SNTA1: variants seen among roughly 807,000 people sequenced by gnomAD.
The protein encoded by SNTA1 is alpha-1-syntrophin.
In SNTA1, 31 loss-of-function variants were observed where a neutral mutation model predicts 47.1. That is an observed-to-expected ratio of 0.66 (90% CI 0.49 to 0.89). SNTA1 has a LOEUF of 0.89. SNTA1 is among the 40% of genes least tolerant of loss of function. The probability of loss-of-function intolerance (pLI) is 0.00; values close to 1 mark genes in which losing one functional copy is unlikely to be tolerated. For synonymous variants in SNTA1, 300 were observed against 313.6 expected, an observed-to-expected ratio of 0.96 and a Z score of 0.46; for missense variants, 575 against 693.0, an observed-to-expected ratio of 0.83 and a Z score of 1.91.
Position 33,412,325 on chromosome 20 carries a change from T to C in SNTA1, c.1011A>G (p.Pro337=), listed in dbSNP as rs758676160. ...LPETREALSR[P]ARTAPLIATR... is the part of the protein sequence containing the mutation. Reference sequence around the variant, plus strand: ...TGGCGATGAGTGGGGCAGTACGGGCTGGCCGGCTCAGGGCCTCGCGGGTCT... The same window carrying C: ...TGGCGATGAGTGGGGCAGTACGGGCCGGCCGGCTCAGGGCCTCGCGGGTCT... Residue 337 remains proline (P), a synonymous_variant, in exon 5 of 8, where the codon CCA becomes CCG. Transcript: ENST00000217381. The C allele has an allele frequency of 2.5e-6, 4 of 1,611,560 alleles. No homozygotes were observed. Among genetic ancestry groups the C allele is most frequent in the African/African-American group, 2.7e-5 (2 of 74,652 alleles).
chr20:33,412,352 G>T lies in SNTA1; in HGVS notation c.984C>A (p.Pro328=), dbSNP rs138863915. The T allele has an allele frequency of 3.7e-6, 6 of 1,611,632 alleles. No individual in the cohort carries two copies. Among genetic ancestry groups the T allele is most frequent in the Non-Finnish European group, 5.1e-6 (6 of 1,179,340 alleles). Residue 328 remains proline (P), a synonymous_variant, in exon 5 of 8, where the codon CCC becomes CCA. Coordinates refer to ENST00000217381, the MANE Select transcript of SNTA1 (RefSeq NM_003098.3). ...EKELLLYLSL[P]ETREALSRPA... is the part of the protein sequence containing the mutation. ...GCCGGCTCAGGGCCTCGCGGGTCTC[G>T]GGGAGAGACAAGTAGAGGAGCAGTT... is the stretch of plus-strand genomic sequence containing the variant.
Position 33,408,425 on chromosome 20 carries a change from G to C in SNTA1, c.*82C>G. On this transcript the variant is annotated 3_prime_UTR_variant, in exon 8 of 8. Transcript: ENST00000217381. ...CTCTCCTCTCCCTTCCCTCAGCCCA[G>C]GGGTGAGCAGGCAGTCGGTGGAGGC... 2 of 989,170 alleles carry C rather than the reference G, an allele frequency of 2.0e-6. No homozygotes were observed. Among genetic ancestry groups the C allele is most frequent in the Non-Finnish European group, 3.2e-6 (2 of 620,618 alleles). 61.3% of individuals were successfully genotyped at this position (989,170 alleles called of 1,614,324 possible).
chr20:33,435,507 C>T (rs1452594255), intron 2 of SNTA1, among the ~76,000 whole-genome samples: 5 of 152,052 alleles, frequency 3.3e-5, no homozygotes, highest in Non-Finnish European at 7.4e-5. Flanking sequence ...GGCAGAGAAT[C>T]GCTTGAACCT....
At chr20:33,428,342 G>A (rs546413098) in intron 2 of SNTA1, among the ~76,000 whole-genome samples, 17 of 152,118 alleles carry the variant, frequency 1.1e-4, no homozygotes, top group African/African-American at 3.9e-4. Flanking sequence ...CCAGGAGGTC[G>A]AGGCTGCAGT....
intron 5 of SNTA1, among the ~76,000 whole-genome samples, chr20:33,410,580 A>G (rs893569189): frequency 1.3e-5 from 2 of 152,108 alleles, no homozygotes; most frequent in Non-Finnish European, 2.9e-5. Flanking sequence ...GCACCTTTGC[A>G]TATGCTCTTC....
chr20:33,429,172 A>G (rs1043296726), intron 2 of SNTA1, among the ~76,000 whole-genome samples: 27 of 151,682 alleles, frequency 1.8e-4, no homozygotes, highest in African/African-American at 6.5e-4. Context: ...AACCCCACCT[A>G]TACTATATAC....
intron 2 of SNTA1, among the ~76,000 whole-genome samples, chr20:33,429,382 T>C (rs1990241184): frequency 7.8e-6 from 1 of 128,150 alleles, no homozygotes. Flanking sequence ...TCAGGCATAG[T>C]GGCTCATGCC....
Position 33,443,381 on chromosome 20 carries a change from C to A in SNTA1, c.240G>T (p.Ala80=), listed in dbSNP as rs765352601. The A allele has an allele frequency of 4.9e-6, 7 of 1,416,566 alleles. No individual in the cohort carries two copies. In the Admixed American group the frequency reaches 1.7e-4, roughly 35 times the overall value. 87.7% of individuals were successfully genotyped at this position (1,416,566 alleles called of 1,614,324 possible). ...TCACGCGGCGCCGCTGGAGCAGTAG[C>A]GCCTCTGGCAGCTGCGGGGGCCCGG... is the stretch of plus-strand genomic sequence containing the variant. ...PGAGPPQLPE[A]LLLQRRRVTV... is the part of the protein sequence containing the mutation. Residue 80 remains alanine, a synonymous_variant, in exon 1 of 8, where the codon GCG becomes GCT. Transcript: ENST00000217381.
intron 2 of SNTA1, among the ~76,000 whole-genome samples, chr20:33,419,783 T>G (rs1434451357): frequency 2.0e-5 from 3 of 152,020 alleles, no homozygotes; most frequent in Non-Finnish European, 4.4e-5. Context: ...TTTTTGCTTG[T>G]GATTGGTTTA....
At position 33,408,127 on chromosome 20, in the gene SNTA1, G is replaced by A; in HGVS notation, c.*380C>T. On this transcript the variant is annotated 3_prime_UTR_variant, in exon 8 of 8. Coordinates refer to ENST00000217381, the MANE Select transcript of SNTA1 (RefSeq NM_003098.3). ...TTGCTGCTGACCCCAGGGTACTCCAGCTTCAGATGGGACCTCTGGGGGTGG... is the reference window on the plus strand; with the variant it reads ...TTGCTGCTGACCCCAGGGTACTCCAACTTCAGATGGGACCTCTGGGGGTGG... 1 of 313,808 alleles carries A rather than the reference G, an allele frequency of 3.2e-6. No individual in the cohort carries two copies. Among genetic ancestry groups the A allele is most frequent in the South Asian group, 3.3e-5 (1 of 30,022 alleles). 19.4% of individuals were successfully genotyped at this position (313,808 alleles called of 1,614,324 possible).
At chr20:33,424,512 A>C (rs1206692808) in intron 2 of SNTA1, among the ~76,000 whole-genome samples, 1 of 151,004 alleles carries the variant, frequency 6.6e-6, no homozygotes, top group Non-Finnish European at 1.5e-5. Context: ...TGTCTTGAAA[A>C]AATTAAAAAA....
chr20:33,428,578 A>T (rs1331687973), intron 2 of SNTA1, among the ~76,000 whole-genome samples: 1 of 147,298 alleles, frequency 6.8e-6, no homozygotes, highest in Middle Eastern at 3.6e-3. Context: ...CTCGTTGGTA[A>T]TTTTTTTTTT....
At chr20:33,440,819 C>CAA (rs1223027744) in intron 1 of SNTA1, among the ~76,000 whole-genome samples, 1 of 152,178 alleles carries the variant, frequency 6.6e-6, no homozygotes, top group Non-Finnish European at 1.5e-5. Context: ...CTGTCTCACA[C>CAA]ACACACACAA....
chr20:33,437,413 G>A (rs1359141709), intron 2 of SNTA1, among the ~76,000 whole-genome samples: 2 of 133,092 alleles, frequency 1.5e-5, no homozygotes, highest in Non-Finnish European at 3.1e-5. Context: ...GGGTGATAGA[G>A]CAAGACCCTG....
At chr20:33,434,982 C>CTTTTT (rs11475592) in intron 2 of SNTA1, among the ~76,000 whole-genome samples, 2 of 55,210 alleles carry the variant, frequency 3.6e-5, no homozygotes, top group African/African-American at 7.0e-5. Context: ...CAGGCACCAG[C>CTTTTT]TTTTTTTTTT....
intron 2 of SNTA1, among the ~76,000 whole-genome samples, chr20:33,421,693 C>A (rs1272843606): frequency 1.3e-5 from 2 of 151,776 alleles, no homozygotes; most frequent in Non-Finnish European, 2.9e-5. Flanking sequence ...TGGTGGCTCA[C>A]GCCTGTAATC....
intron 6 of SNTA1, among the ~76,000 whole-genome samples, chr20:33,409,921 G>GCA (rs1284029085): frequency 6.6e-6 from 1 of 152,014 alleles, no homozygotes; most frequent in East Asian, 1.9e-4. Context: ...GTGAGCCACC[G>GCA]CACCTGGCCA....
intron 1 of SNTA1, among the ~76,000 whole-genome samples, 199 bp downstream of exon 1, chr20:33,443,112 G>A (rs1389101100): frequency 6.7e-6 from 1 of 148,444 alleles, no homozygotes; most frequent in African/African-American, 2.5e-5. Flanking sequence ...TGTGTCTTCC[G>A]TGCCCCCTAA....
chr20:33,413,686 G>A (rs760842262), intron 3 of SNTA1, among the ~76,000 whole-genome samples: 14 of 150,984 alleles, frequency 9.3e-5, no homozygotes, highest in Middle Eastern at 7.1e-3. Context: ...CCAGAACTTC[G>A]GGAGACTGAG....
Sources: gnomAD v4.1 joint callset for allele counts (sites outside exome capture counted in the v4.1 genomes callset) on GRCh38, gnomAD v4.1.1 for gene constraint, MANE v1.5 for transcripts, NCBI Gene and HGNC (gene_info 2026-07-23, HGNC 2026-07-21) for gene names.